The following THBS2 variants were observed in gnomAD, a reference collection of about 807,000 sequenced individuals.
THBS2 encodes thrombospondin 2, also known as thrombospondin-2.
Under a neutral mutation model 135.2 loss-of-function variants are expected in THBS2, and 47 were observed. The observed-to-expected ratio is 0.35, with a 90% confidence interval of 0.28 to 0.44. The LOEUF (loss-of-function observed/expected upper bound fraction) is 0.44. Among genes scored for constraint, THBS2 ranks in the 20% least tolerant of loss-of-function variants. THBS2 has a pLI of 1.00. For synonymous variants in THBS2, 639 were observed against 633.8 expected (o/e 1.01, Z -0.12); for missense variants, 1,288 against 1,603.1 (o/e 0.80, Z 3.36).
chr6:169,228,935 C>G (rs906572396), intron 14 of THBS2, among the ~76,000 whole-genome samples: 8 of 150,582 alleles, frequency 5.3e-5, no homozygotes, highest in Non-Finnish European at 1.2e-4. Flanking sequence ...AGTTAGCCCT[C>G]GCCAAACACT....
At chr6:169,221,926 C>T (rs1779444339) in intron 19 of THBS2, among the ~76,000 whole-genome samples, 1 of 152,088 alleles carries the variant, frequency 6.6e-6, no homozygotes, top group East Asian at 1.9e-4. Flanking sequence ...ATCATTATGT[C>T]CTATGCTCAC....
In THBS2 at chr6:169,217,827, T is replaced by G. The variant is rs113625243; in HGVS notation, c.3514A>C (p.Ile1172Leu). 91 of 1,571,472 alleles carry G rather than the reference T, an allele frequency of 5.8e-5. 2 individuals are homozygous for G. In the South Asian group the frequency reaches 1.0e-3, roughly 17 times the overall value. The change falls in exon 22 of 22, where the codon ATT becomes CTT. Residue 1172 changes from isoleucine to leucine, a missense_variant and splice_region_variant. By Grantham distance (5) the Ile-to-Leu change is conservative. Coordinates refer to ENST00000617924, the MANE Select transcript of THBS2 (RefSeq NM_003247.5). ...FSDLKYECRD[I>L] ...GGAAATGCAGCAAATCTTGTTTAAA[T>G]ATCTACAAAAAGAAAAAAAAAAGCA... is the stretch of plus-strand genomic sequence containing the variant.
At chr6:169,244,328 A>ACACG (rs1362533139) in intron 4 of THBS2, among the ~76,000 whole-genome samples, 7 of 151,970 alleles carry the variant, frequency 4.6e-5, no homozygotes, top group African/African-American at 1.4e-4. Context: ...ACACACACAC[A>ACACG]CACACACACA....
At chr6:169,230,133 G>A (rs1044444186) in intron 13 of THBS2, among the ~76,000 whole-genome samples, 1 of 152,190 alleles carries the variant, frequency 6.6e-6, no homozygotes, top group Non-Finnish European at 1.5e-5. Flanking sequence ...AAATATGTAT[G>A]TGATATGTTC....
rs763393290 is a variant in THBS2 at position 169,232,112 on chromosome 6, G to T, written c.2019C>A (p.Asp673Glu). The T allele has an allele frequency of 3.7e-6, 6 of 1,614,022 alleles. No homozygotes were observed. Among genetic ancestry groups the T allele is most frequent in the East Asian group, 2.2e-5 (1 of 44,880 alleles). The change falls in exon 13 of 22, where the codon GAC becomes GAA. Residue 673 changes from aspartate to glutamate, a missense_variant. Coordinates refer to ENST00000617924, the MANE Select transcript of THBS2 (RefSeq NM_003247.5). ...TCTGGCACTCGCACTTGTACATGGGGTCGCTGAAGTGGCCCAGGTAGATGC... is the reference window on the plus strand; with the variant it reads ...TCTGGCACTCGCACTTGTACATGGGTTCGCTGAAGTGGCCCAGGTAGATGC... ...AECIYLGHFS[D>E]PMYKCECQTG...
rs148107886 is a variant in THBS2 at position 169,230,129 on chromosome 6, G to C, written c.2152-450C>G. Among the ~76,000 whole-genome samples, 480 of 152,310 alleles carry C rather than the reference G, an allele frequency of 3.2e-3. 4 individuals carry two copies. The highest frequency in any genetic ancestry group is 5.7e-3 in the Non-Finnish European group (389 of 68,038). Reference sequence around the variant, plus strand: ...TCAAAGAAAAGAGTCTTTCAAATATGTATGTGATATGTTCAGAAACCAGGG... The same window carrying C: ...TCAAAGAAAAGAGTCTTTCAAATATCTATGTGATATGTTCAGAAACCAGGG... On this transcript the variant is annotated intron_variant, in intron 13 of 21. Transcript: ENST00000617924.
At position 169,237,339 on chromosome 6, in the gene THBS2, C is replaced by T; in HGVS notation, c.1308G>A (p.Gln436=). Reference sequence around the variant, plus strand: ...GTGACCAGTGGCTCCAGCCGCCGTCCTGCCGGACTAACACAAGAAGCGGAG... The same window carrying T: ...GTGACCAGTGGCTCCAGCCGCCGTCTTGCCGGACTAACACAAGAAGCGGAG... The part of the protein sequence containing the change: ...SLSKCDTRIR[Q]DGGWSHWSPW... Residue 436 remains glutamine, a synonymous_variant, in exon 9 of 22, where the codon CAG becomes CAA. Transcript: ENST00000617924. 3 of 1,613,264 alleles carry T rather than the reference C, an allele frequency of 1.9e-6. No homozygotes were observed. Among genetic ancestry groups the T allele is most frequent in the Non-Finnish European group, 1.7e-6 (2 of 1,180,010 alleles).
intron 2 of THBS2, among the ~76,000 whole-genome samples, chr6:169,249,180 T>C (rs1780673748): frequency 1.3e-5 from 2 of 152,028 alleles, no homozygotes; most frequent in African/African-American, 4.8e-5. Context: ...CTACTCAGAG[T>C]GTGGGCCCAA....
At position 169,221,471 on chromosome 6, in the gene THBS2, A is replaced by G. The variant is rs1779427139; in HGVS notation, c.3330T>C (p.Tyr1110=). ...RNIGWKDYTA[Y]RWHLTHRPKT... is the part of the protein sequence containing the mutation. ...TGGGCCTGTGAGTCAGGTGCCACCTATAGGCCGTGTAGTCCTTCCAGCCAA... is the reference window on the plus strand; with the variant it reads ...TGGGCCTGTGAGTCAGGTGCCACCTGTAGGCCGTGTAGTCCTTCCAGCCAA... Residue 1110 remains tyrosine (Y), a synonymous_variant, in exon 20 of 22, where the codon TAT becomes TAC. Coordinates refer to ENST00000617924, the MANE Select transcript of THBS2 (RefSeq NM_003247.5). The G allele has an allele frequency of 6.2e-7, 1 of 1,614,008 alleles. No individual in the cohort carries two copies. The highest frequency in any genetic ancestry group is 8.5e-7 in the Non-Finnish European group (1 of 1,180,024).
chr6:169,231,248 C>G (rs750743358), intron 13 of THBS2, among the ~76,000 whole-genome samples: 4 of 152,238 alleles, frequency 2.6e-5, no homozygotes, highest in Admixed American at 2.0e-4. Context: ...CAAAGAGAGG[C>G]AGAGGAAGTT....
chr6:169,246,200 C>T lies in THBS2; in HGVS notation c.691G>A (p.Gly231Arg). The T allele has an allele frequency of 6.2e-7, 1 of 1,613,860 alleles. No individual in the cohort carries two copies. The highest frequency in any genetic ancestry group is 8.5e-7 in the Non-Finnish European group (1 of 1,179,938). ...GCATTTTTCACAACACACCTACCTC[C>T]CTGGCCTTGCTGGCAACCCTTCTTG... ...LSKKGCQQGQ[G>R]AEINAISENT... The change falls in exon 4 of 22, where the codon GGA becomes AGA. Residue 231 changes from glycine to arginine, a missense_variant. Transcript: ENST00000617924.
chr6:169,224,777 C>T (rs1240237012), intron 17 of THBS2, among the ~76,000 whole-genome samples: 1 of 152,194 alleles, frequency 6.6e-6, no homozygotes, highest in Non-Finnish European at 1.5e-5. Flanking sequence ...TCAAAAAAAT[C>T]CTCCTTGTCC....
chr6:169,244,678 G>GCCC (rs1468299605), intron 4 of THBS2, among the ~76,000 whole-genome samples: 1 of 151,714 alleles, frequency 6.6e-6, no homozygotes, highest in East Asian at 1.9e-4. Context: ...GTACCCAAAA[G>GCCC]CCCCACAGCC....
Position 169,237,335 on chromosome 6 carries a change from C to T in THBS2, c.1312G>A (p.Gly438Ser), listed in dbSNP as rs750604880. ...CAAGGTGACCAGTGGCTCCAGCCGC[C>T]GTCCTGCCGGACTAACACAAGAAGC... ...SKCDTRIRQD[G>S]GWSHWSPWSS... is the part of the protein sequence containing the mutation. Residue 438 changes from glycine (G) to serine (S), a missense_variant, in exon 9 of 22, where the codon GGC becomes AGC. Transcript: ENST00000617924. The T allele has an allele frequency of 1.2e-6, 2 of 1,613,216 alleles. No individual in the cohort carries two copies. The highest frequency in any genetic ancestry group is 2.2e-5 in the East Asian group (1 of 44,872).
intron 21 of THBS2, chr6:169,219,726 T>G: frequency 2.0e-6 from 1 of 506,098 alleles, no homozygotes; most frequent in South Asian, 1.4e-5. Context: ...AATGCGCATT[T>G]GAAGGCATGG....
In THBS2 at chr6:169,223,268, G is replaced by C; in HGVS notation, c.2981C>G (p.Ser994Trp). Reference sequence around the variant, plus strand: ...CTCACCTACAGCGATGCCGGGGTCCGAGTTGGCTGTCTGAACCAGCTCCTT... The same window carrying C: ...CTCACCTACAGCGATGCCGGGGTCCCAGTTGGCTGTCTGAACCAGCTCCTT... ...QGKELVQTAN[S>W]DPGIAVGFDE... Residue 994 changes from serine to tryptophan, a missense_variant, in exon 18 of 22, where the codon TCG (serine) becomes TGG (tryptophan). Ser to Trp is a radical substitution (Grantham distance 177). Coordinates refer to ENST00000617924, the MANE Select transcript of THBS2 (RefSeq NM_003247.5). 1 of 1,613,772 alleles carries C rather than the reference G, an allele frequency of 6.2e-7. No homozygotes were observed. Among genetic ancestry groups the C allele is most frequent in the South Asian group, 1.1e-5 (1 of 91,056 alleles).
At chr6:169,229,713 C>A (rs774214737) in intron 13 of THBS2, 34 bp from the exon 14 acceptor site, 54 of 1,564,038 alleles carry the variant, frequency 3.5e-5, no homozygotes, top group Middle Eastern at 1.7e-4. Context: ...CTTGGAAAAA[C>A]ATTTAGGAAA....
At position 169,237,458 on chromosome 6, in the gene THBS2, G is replaced by A. The variant is rs939188178; in HGVS notation, c.1301-112C>T. 1.5e-5 allele frequency: 23 copies of A among 1,493,862 alleles called. No homozygotes were observed. The African/African-American group carries it at 2.4e-4, about 15-fold the overall frequency. 92.5% of individuals were successfully genotyped at this position (1,493,862 alleles called of 1,614,324 possible). A position where few individuals can be genotyped will look rare whatever the true frequency, so the allele number is the denominator to read the frequency against. On this transcript the variant is annotated intron_variant, in intron 8 of 21. Transcript: ENST00000617924. ...TCTCACAGCTGCTGAGGAGAGGGAA[G>A]GAGAACCCCTCCCATCAGCTGGGAG...
At chr6:169,227,951 T>C (rs1779699007) in intron 15 of THBS2, among the ~76,000 whole-genome samples, 171 bp downstream of exon 15, 1 of 152,024 alleles carries the variant, frequency 6.6e-6, no homozygotes. Flanking sequence ...CGTGGTGGTG[T>C]GCACCTGTGA....
Sources: gnomAD v4.1 joint callset for allele counts (sites outside exome capture counted in the v4.1 genomes callset) on GRCh38, gnomAD v4.1.1 for gene constraint, MANE v1.5 for transcripts, NCBI Gene and HGNC (gene_info 2026-07-23, HGNC 2026-07-21) for gene names.